Variants in ZBTB17 observed in about 807,000 individuals in gnomAD.
ZBTB17 encodes the protein zinc finger and BTB domain containing 17.
ZBTB17 carries 24 observed loss-of-function variants against 85.1 expected under a neutral mutation model. The ratio of observed to expected loss-of-function variants is 0.28; its 90% CI spans 0.20 to 0.40. The LOEUF is 0.40. Ranked by LOEUF, ZBTB17 falls within the 10% of genes least tolerant of loss-of-function variation. The pLI is 1.00. For missense variants in ZBTB17, 743 were observed against 1,105.1 expected, an observed-to-expected ratio of 0.67 and a Z score of 4.65; for synonymous variants, 464 against 460.2, an observed-to-expected ratio of 1.01 and a Z score of -0.11.
intron 1 of ZBTB17, among the ~76,000 whole-genome samples, chr1:15,975,348 G>A (rs1254414622): frequency 1.3e-5 from 2 of 152,230 alleles, no homozygotes; most frequent in Non-Finnish European, 2.9e-5. Flanking sequence ...GGTCACAGCA[G>A]GGAATGGGGA....
chr1:15,944,615 G>A lies in ZBTB17; in HGVS notation c.1071-15C>T. ...GCTTCAGAGGGCTGCAGGGCCAGAAGGCGACAGGAGGCAGGGCTCGCTGGG... is the reference window on the plus strand; with the variant it reads ...GCTTCAGAGGGCTGCAGGGCCAGAAAGCGACAGGAGGCAGGGCTCGCTGGG... On this transcript the variant is annotated splice_polypyrimidine_tract_variant and intron_variant, in intron 8 of 15. Coordinates refer to ENST00000375743, the MANE Select transcript of ZBTB17 (RefSeq NM_003443.3). 1.3e-6 allele frequency: 2 copies of A among 1,599,770 alleles called. No individual in the cohort carries two copies. Among genetic ancestry groups the A allele is most frequent in the East Asian group, 2.2e-5 (1 of 44,858 alleles).
At chr1:15,957,134 G>A (rs569968232) in intron 2 of ZBTB17, among the ~76,000 whole-genome samples, 4 of 150,404 alleles carry the variant, frequency 2.7e-5, no homozygotes, top group African/African-American at 9.8e-5. Flanking sequence ...AGCCAAGATC[G>A]TGCCACTGCA....
At position 15,976,091 on chromosome 1, in the gene ZBTB17, G is replaced by A. The variant is rs1212345222; in HGVS notation, c.-198C>T. ...GGCGCCGCCATGTTAGAGTCGGGCG[G>A]AACCGACCTCGCAGGCTTCCCGGCT... On this transcript the variant is annotated 5_prime_UTR_variant, in exon 1 of 16. Coordinates refer to ENST00000375743, the MANE Select transcript of ZBTB17 (RefSeq NM_003443.3). The A allele has an allele frequency of 1.5e-6, 1 of 681,124 alleles. No individual in the cohort carries two copies. The highest frequency in any genetic ancestry group is 2.8e-5 in the East Asian group (1 of 35,574). 42.2% of individuals were successfully genotyped at this position (681,124 alleles called of 1,614,324 possible). A position where few individuals can be genotyped will look rare whatever the true frequency, so the allele number is the denominator to read the frequency against.
At position 15,973,712 on chromosome 1, in the gene ZBTB17, C is replaced by G. The variant is rs931751629; in HGVS notation, c.-89-587G>C. Among the ~76,000 whole-genome samples the G allele has an allele frequency of 6.6e-6, 1 of 152,216 alleles. No homozygotes were observed. The highest frequency in any genetic ancestry group is 1.5e-5 in the Non-Finnish European group (1 of 68,050). ...GATCCTGACTCCTCCCTGCCCCTAACTCTCATCAAACTAATCACCAAATTG... is the reference window on the plus strand; with the variant it reads ...GATCCTGACTCCTCCCTGCCCCTAAGTCTCATCAAACTAATCACCAAATTG... On this transcript the variant is annotated intron_variant, in intron 1 of 15. Transcript: ENST00000375743. This position sits in a 1 kb window ranked among gnomAD's most constrained non-coding sequence, Gnocchi z 4.1.
In ZBTB17 at chr1:15,945,802, G is replaced by T; in HGVS notation, c.574C>A (p.Pro192Thr). ...TCTGGCTTGAGCTCCACAGGCGGCG[G>T]CTCCCGGGGCGCATCGGCTTTCTCT... ...QTEKADAPRE[P>T]PPVELKPDPT... Residue 192 changes from proline (P) to threonine (T), a missense_variant, in exon 6 of 16, where the codon CCG (proline) becomes ACG (threonine). Physicochemically the swap from Pro to Thr is conservative, Grantham distance 38 (BLOSUM62 -1). Transcript: ENST00000375743. The T allele has an allele frequency of 6.2e-7, 1 of 1,603,144 alleles. No individual in the cohort carries two copies.
chr1:15,964,895 C>T lies in ZBTB17; in HGVS notation c.-3+8144G>A, dbSNP rs770487164. On this transcript the variant is annotated intron_variant, in intron 2 of 15. Transcript: ENST00000375743. The surrounding 1 kb of genome is among the most constrained non-coding windows in gnomAD (Gnocchi z 4.3). ...CTTTGGGAGGCCGAGATGGGTGGAT[C>T]ATGAGGTCAGGAGTTCAAGACCAGC... Among the ~76,000 whole-genome samples, 5 of 152,084 alleles carry T rather than the reference C, an allele frequency of 3.3e-5. No homozygotes were observed. Among genetic ancestry groups the T allele is most frequent in the Non-Finnish European group, 7.4e-5 (5 of 68,008 alleles).
intron 2 of ZBTB17, among the ~76,000 whole-genome samples, chr1:15,950,979 G>A (rs963242539): frequency 1.3e-5 from 2 of 152,118 alleles, no homozygotes; most frequent in Admixed American, 6.5e-5. Flanking sequence ...AGACACATTC[G>A]CTAGATAATA....
intron 9 of ZBTB17, 114 bp from the exon 10 acceptor site, chr1:15,944,009 G>A (rs1277625490): frequency 1.8e-6 from 2 of 1,118,122 alleles, no homozygotes; most frequent in Non-Finnish European, 2.7e-6. Context: ...GGTCCGTGAA[G>A]GGCTCTATCT....
At chr1:15,954,849 C>CA (rs1314305000) in intron 2 of ZBTB17, among the ~76,000 whole-genome samples, 2 of 151,180 alleles carry the variant, frequency 1.3e-5, no homozygotes, top group Non-Finnish European at 2.9e-5. Flanking sequence ...GACCCTATCT[C>CA]AAAAAAACAA....
rs1055340946 is a variant in ZBTB17, at chr1:15,972,818, G to A, written c.-3+221C>T. ...CTGTAGATTTCACCTAACTAAAGGCGTGAGCATTGCCCAGTGATCATCCAC... is the reference window on the plus strand; with the variant it reads ...CTGTAGATTTCACCTAACTAAAGGCATGAGCATTGCCCAGTGATCATCCAC... On this transcript the variant is annotated intron_variant, in intron 2 of 15. Transcript: ENST00000375743. Among the ~76,000 whole-genome samples the A allele has an allele frequency of 3.3e-5, 5 of 152,328 alleles. No individual in the cohort carries two copies. The East Asian group carries it at 7.7e-4, about 24-fold the overall frequency.
chr1:15,972,043 G>A (rs1016291563), intron 2 of ZBTB17, among the ~76,000 whole-genome samples: 3 of 152,182 alleles, frequency 2.0e-5, no homozygotes, highest in Non-Finnish European at 2.9e-5. Flanking sequence ...TCCAAAATGC[G>A]CGGTTTGCAA....
In ZBTB17 at chr1:15,966,374, C is replaced by T. The variant is rs2148808127; in HGVS notation, c.-3+6665G>A. Among the ~76,000 whole-genome samples, 1 of 151,660 alleles carries T rather than the reference C, an allele frequency of 6.6e-6. No homozygotes were observed. Among genetic ancestry groups the T allele is most frequent in the Non-Finnish European group, 1.5e-5 (1 of 67,744 alleles). On this transcript the variant is annotated intron_variant, in intron 2 of 15. Coordinates refer to ENST00000375743, the MANE Select transcript of ZBTB17 (RefSeq NM_003443.3). The surrounding 1 kb of genome is among the most constrained non-coding windows in gnomAD (Gnocchi z 4.1). ...GATTCTACTGCCAGACCTTTCAAGACCAGAAGCTGAGTAGATTTTTGATGT... is the reference window on the plus strand; with the variant it reads ...GATTCTACTGCCAGACCTTTCAAGATCAGAAGCTGAGTAGATTTTTGATGT...
At position 15,942,131 on chromosome 1, in the gene ZBTB17, G is replaced by A. The variant is rs775995674; in HGVS notation, c.2250C>T (p.Asp750=). The change falls in exon 16 of 16, where the codon GAC becomes GAT. Residue 750 remains aspartate, a synonymous_variant. Transcript: ENST00000375743. ...TAQALVMFQT[D]ADFYQQYGPG... ...GCCCATACTGCTGATAGAAGTCCGC[G>A]TCTGTCTGGAACATGACCAGTGCCT... The A allele has an allele frequency of 2.1e-5, 34 of 1,613,396 alleles. No individual in the cohort carries two copies. In the African/African-American group the frequency reaches 2.3e-4, roughly 11 times the overall value.
Position 15,946,213 on chromosome 1 carries a change from A to G in ZBTB17, c.476T>C (p.Ile159Thr), listed in dbSNP as rs767712077. The G allele has an allele frequency of 1.2e-5, 19 of 1,613,230 alleles. No individual in the cohort carries two copies. The African/African-American group carries it at 1.7e-4, about 15-fold the overall frequency. Residue 159 changes from isoleucine (I) to threonine (T), a missense_variant, in exon 5 of 16, where the codon ATA (isoleucine) becomes ACA (threonine). Physicochemically the swap from Ile to Thr is moderately conservative, Grantham distance 89. Coordinates refer to ENST00000375743, the MANE Select transcript of ZBTB17 (RefSeq NM_003443.3). ...CTCCTTGAGGTCCCTGCTGGGGCCTATGGGTGTGCTGCGTCCTGCCTGCTC... is the reference window on the plus strand; with the variant it reads ...CTCCTTGAGGTCCCTGCTGGGGCCTGTGGGTGTGCTGCGTCCTGCCTGCTC... ...RLEQAGRSTP[I>T]GPSRDLKEER... is the part of the protein sequence containing the mutation.
chr1:15,973,629 C>T lies in ZBTB17; in HGVS notation c.-89-504G>A, dbSNP rs907766131. Among the ~76,000 whole-genome samples the T allele has an allele frequency of 3.3e-5, 5 of 152,204 alleles. No individual in the cohort carries two copies. Among genetic ancestry groups the T allele is most frequent in the Admixed American group, 2.6e-4 (4 of 15,282 alleles). ...TCTGCCCTCCCCCAGATCTGCTCCC[C>T]GTACTGCTCCCTATCACATGGAGCA... On this transcript the variant is annotated intron_variant, in intron 1 of 15. Transcript: ENST00000375743. This position sits in a 1 kb window ranked among gnomAD's most constrained non-coding sequence, Gnocchi z 4.1.
In ZBTB17 at chr1:15,945,853, A is replaced by G. The variant is rs763543685; in HGVS notation, c.536-13T>C. On this transcript the variant is annotated splice_polypyrimidine_tract_variant and intron_variant, in intron 5 of 15. Coordinates refer to ENST00000375743, the MANE Select transcript of ZBTB17 (RefSeq NM_003443.3). ...GTCTGCTCTGCACCTGGGTGGGGGA[A>G]GCACCGGAGGCTGGATTGCTACCCT... 2 of 1,586,940 alleles carry G rather than the reference A, an allele frequency of 1.3e-6. No homozygotes were observed. Among genetic ancestry groups the G allele is most frequent in the South Asian group, 2.2e-5 (2 of 89,120 alleles).
Position 15,976,024 on chromosome 1 carries a change from G to T in ZBTB17, c.-131C>A. On this transcript the variant is annotated 5_prime_UTR_variant, in exon 1 of 16. Coordinates refer to ENST00000375743, the MANE Select transcript of ZBTB17 (RefSeq NM_003443.3). Reference sequence around the variant, plus strand: ...CCCACCGCAGAGGGAGGTGCATCACGGCCGCGAGAAGGCCGGGGACGGCAC... The same window carrying T: ...CCCACCGCAGAGGGAGGTGCATCACTGCCGCGAGAAGGCCGGGGACGGCAC... The T allele has an allele frequency of 1.4e-6, 1 of 698,000 alleles. No homozygotes were observed. The highest frequency in any genetic ancestry group is 2.6e-6 in the Non-Finnish European group (1 of 382,648). 43.2% of individuals were successfully genotyped at this position (698,000 alleles called of 1,614,324 possible). A position where few individuals can be genotyped will look rare whatever the true frequency, so the allele number is the denominator to read the frequency against.
At chr1:15,943,939 G>A (rs1570100057) in intron 9 of ZBTB17, 44 bp from the exon 10 acceptor site, 1 of 1,539,064 alleles carries the variant, frequency 6.5e-7, no homozygotes, top group Non-Finnish European at 8.8e-7. Context: ...ACAGAGCTCG[G>A]CCCCGGGCCC....
At chr1:15,972,935 T>G (rs967211241) in intron 2 of ZBTB17, 104 bp downstream of exon 2, 1 of 152,222 alleles carries the variant, frequency 6.6e-6, no homozygotes, top group African/African-American at 2.4e-5. Flanking sequence ...CTATATAATT[T>G]TGAAGAAAAG....
Sources: allele counts gnomAD v4.1 joint callset (sites outside exome capture counted in the v4.1 genomes callset), GRCh38; gene constraint gnomAD v4.1.1; non-coding constraint Gnocchi (gnomAD v3.1); transcripts MANE v1.5; gene names NCBI Gene and HGNC (gene_info 2026-07-23, HGNC 2026-07-21).